MTUS2: variants seen among roughly 807,000 people sequenced by gnomAD.
MTUS2 encodes the protein microtubule associated scaffold protein 2.
A neutral mutation model predicts 114.1 loss-of-function variants in MTUS2; 40 were observed. That is an observed-to-expected ratio of 0.35 (90% confidence interval 0.27 to 0.46). The LOEUF is 0.46. MTUS2 is among the 20% of genes least tolerant of loss of function. The probability of loss-of-function intolerance (pLI) is 1.00; values close to 1 mark genes in which losing one functional copy is unlikely to be tolerated. For synonymous variants in MTUS2, 688 were observed against 672.0 expected, an observed-to-expected ratio of 1.02 and a Z score of -0.37; for missense variants, 1,679 against 1,705.4, an observed-to-expected ratio of 0.98 and a Z score of 0.27.
chr13:29,174,147 T>G (rs1893674321), intron 5 of MTUS2, among the ~76,000 whole-genome samples: 1 of 152,182 alleles, frequency 6.6e-6, no homozygotes, highest in South Asian at 2.1e-4. Context: ...TATTGGAAAG[T>G]GTGCTTCATT....
At chr13:29,171,854 G>T (rs1422405117) in intron 5 of MTUS2, among the ~76,000 whole-genome samples, 1 of 152,176 alleles carries the variant, frequency 6.6e-6, no homozygotes, top group Non-Finnish European at 1.5e-5. Flanking sequence ...GAAAGGAAAA[G>T]TAGCCAAAGA....
At chr13:29,495,873 T>A (rs1029660477) in intron 12 of MTUS2, among the ~76,000 whole-genome samples, 1 of 152,078 alleles carries the variant, frequency 6.6e-6, no homozygotes, top group African/African-American at 2.4e-5. Flanking sequence ...CCTGTCTCTG[T>A]CTCTGTCTTT....
intron 2 of MTUS2, among the ~76,000 whole-genome samples, chr13:28,941,032 T>C (rs1287014548): frequency 6.6e-6 from 1 of 151,508 alleles, no homozygotes; most frequent in Non-Finnish European, 1.5e-5. Flanking sequence ...ATGATAGCTA[T>C]ACTAAATATG....
intron 5 of MTUS2, among the ~76,000 whole-genome samples, chr13:29,203,541 C>T (rs1895049005): frequency 6.8e-6 from 1 of 146,316 alleles, no homozygotes; most frequent in African/African-American, 2.6e-5. Context: ...CGCTGATGTT[C>T]CAATTACCAC....
chr13:29,471,339 A>AAAT (rs535026471), intron 9 of MTUS2, among the ~76,000 whole-genome samples: 71 of 152,020 alleles, frequency 4.7e-4, no homozygotes, highest in African/African-American at 1.5e-3. Context: ...TCCATCTCAA[A>AAAT]AATAATAATA....
intron 2 of MTUS2, among the ~76,000 whole-genome samples, chr13:28,857,867 T>A (rs1426606093): frequency 6.6e-6 from 1 of 152,212 alleles, no homozygotes; most frequent in African/African-American, 2.4e-5. Context: ...TTTCCATTCT[T>A]TCCAGAGATC....
chr13:29,137,637 A>G (rs555977052), intron 5 of MTUS2, among the ~76,000 whole-genome samples: 13 of 146,726 alleles, frequency 8.9e-5, no homozygotes, highest in African/African-American at 3.0e-4. Context: ...CTTTTTTTTG[A>G]GACAAGTCTC....
intron 5 of MTUS2, chr13:29,239,524 T>A (rs1306868545): frequency 2.6e-5 from 4 of 152,198 alleles, no homozygotes; most frequent in Non-Finnish European, 5.9e-5. Flanking sequence ...TCAATTAAAT[T>A]CAGCAAATAC....
intron 2 of MTUS2, among the ~76,000 whole-genome samples, chr13:28,922,212 T>A (rs1881080447): frequency 6.6e-6 from 1 of 152,212 alleles, no homozygotes; most frequent in South Asian, 2.1e-4. Context: ...TGATTGTAAG[T>A]TTCCTGAGGC....
chr13:28,933,549 C>T (rs1250883168), intron 2 of MTUS2, among the ~76,000 whole-genome samples: 1 of 152,178 alleles, frequency 6.6e-6, no homozygotes, highest in Non-Finnish European at 1.5e-5. Context: ...ATAACCTAAT[C>T]AAGTTGACAC....
intron 5 of MTUS2, among the ~76,000 whole-genome samples, chr13:29,180,757 A>C (rs746748894): frequency 2.0e-5 from 3 of 152,178 alleles, no homozygotes; most frequent in Non-Finnish European, 4.4e-5. Context: ...AGTTGGTTGC[A>C]TGCTTATGGG....
chr13:28,850,004 C>T (rs920423611), intron 2 of MTUS2, among the ~76,000 whole-genome samples: 5 of 152,028 alleles, frequency 3.3e-5, no homozygotes, highest in African/African-American at 1.2e-4. Flanking sequence ...TCAGGTGCTT[C>T]GAAACGATGA....
intron 5 of MTUS2, among the ~76,000 whole-genome samples, chr13:29,203,782 CT>C (rs201751718): frequency 0.084 from 12,748 of 151,924 alleles, 699 homozygotes; most frequent in African/African-American, 0.14. Flanking sequence ...GGAGGTAGTT[CT>C]TAGACCCACT....
intron 5 of MTUS2, among the ~76,000 whole-genome samples, chr13:29,115,183 T>C (rs1213331341): frequency 1.3e-5 from 2 of 148,204 alleles, no homozygotes; most frequent in Non-Finnish European, 3.0e-5. Flanking sequence ...ATGCGATAAC[T>C]GCCATGAATA....
intron 9 of MTUS2, among the ~76,000 whole-genome samples, chr13:29,471,748 C>CCCCCCCA (rs565840294): frequency 2.7e-5 from 4 of 150,080 alleles, no homozygotes; most frequent in South Asian, 2.1e-4. Context: ...CCCAGCCCCC[C>CCCCCCCA]CCGACACATT....
chr13:28,940,497 G>T (rs997203871), intron 2 of MTUS2, among the ~76,000 whole-genome samples: 8 of 152,106 alleles, frequency 5.3e-5, no homozygotes, highest in African/African-American at 1.9e-4. Context: ...TGGGTTGGAG[G>T]TTACCCTGTT....
intron 5 of MTUS2, among the ~76,000 whole-genome samples, chr13:29,219,161 C>T (rs1363560309): frequency 1.4e-5 from 2 of 138,170 alleles, no homozygotes; most frequent in African/African-American, 5.5e-5. Flanking sequence ...TGTGATATTC[C>T]CCTTCCTGTG....
intron 5 of MTUS2, among the ~76,000 whole-genome samples, chr13:29,136,230 G>C (rs1178938269): frequency 2.0e-5 from 3 of 152,136 alleles, no homozygotes; most frequent in Non-Finnish European, 4.4e-5. Flanking sequence ...ACTTTTATTT[G>C]GGAATATCTT....
chr13:28,865,506 A>G (rs906443504), intron 2 of MTUS2, among the ~76,000 whole-genome samples: 4 of 152,216 alleles, frequency 2.6e-5, no homozygotes, highest in Admixed American at 6.5e-5. Context: ...TGTGCTTCCA[A>G]GCGTGACTTT....
Sources: allele counts gnomAD v4.1 joint callset (sites outside exome capture counted in the v4.1 genomes callset), GRCh38; gene constraint gnomAD v4.1.1; transcripts MANE v1.5; gene names NCBI Gene and HGNC (gene_info 2026-07-23, HGNC 2026-07-21).